The following LZIC variants were observed in gnomAD, a reference collection of about 807,000 sequenced individuals.
The protein encoded by LZIC is protein LZIC.
A neutral mutation model predicts 25.4 loss-of-function variants in LZIC; 28 were observed. The observed-to-expected ratio is 1.10, with a 90% CI of 0.82 to 1.51. The LOEUF (loss-of-function observed/expected upper bound fraction) is 1.51, where lower values mean the gene tolerates loss of function less well. Ranked by LOEUF, LZIC falls within the 40% of genes most tolerant of loss-of-function variation. The pLI is 0.00. For missense variants in LZIC, 170 were observed against 211.1 expected (o/e 0.81, Z 1.21); for synonymous variants, 65 against 70.7 (o/e 0.92, Z 0.40).
chr1:9,930,221 C>T lies in LZIC; in HGVS notation c.*178G>A. ...GATCACTCAAGCAGGTAACCGCACA[C>T]AACGCACAATGATGAAGAGCATAAA... On this transcript the variant is annotated 3_prime_UTR_variant, in exon 8 of 8. Coordinates refer to ENST00000377223, the MANE Select transcript of LZIC (RefSeq NM_032368.5). 1 of 1,458,886 alleles carries T rather than the reference C, an allele frequency of 6.9e-7. No individual in the cohort carries two copies. The highest frequency in any genetic ancestry group is 1.5e-5 in the South Asian group (1 of 66,290). The allele number at this position is 1,458,886 out of a possible 1,614,324, so 90.4% of individuals were successfully genotyped here.
At chr1:9,924,445 C>G (rs1185718711), downstream of LZIC, among the ~76,000 whole-genome samples, 2 of 151,998 alleles carry the variant, frequency 1.3e-5, no homozygotes, top group Admixed American at 6.6e-5. Flanking sequence ...ACCTCCGCCT[C>G]CCGGGTTCAA....
rs1246986774 is a variant in LZIC, at chr1:9,935,474, C to T, written c.237+18G>A. The T allele has an allele frequency of 1.3e-6, 2 of 1,585,830 alleles. No individual in the cohort carries two copies. The highest frequency in any genetic ancestry group is 2.8e-5 in the African/African-American group (2 of 72,722). On this transcript the variant is annotated intron_variant, in intron 4 of 7. Coordinates refer to ENST00000377223, the MANE Select transcript of LZIC (RefSeq NM_032368.5). ...AAAAAACAAAGTCTGTCCTCTGTCG[C>T]CTATATGTTATACTTACCAGCTGCA...
chr1:9,925,157 C>CAAA (rs35578033), downstream of LZIC, among the ~76,000 whole-genome samples: 5 of 101,308 alleles, frequency 4.9e-5, no homozygotes, highest in Admixed American at 1.1e-4. Flanking sequence ...ACTAAAAATA[C>CAAA]AAAAAAAAAA....
intron 5 of LZIC, 97 bp from the exon 6 acceptor site, chr1:9,932,995 T>A: frequency 1.3e-6 from 1 of 787,836 alleles, no homozygotes; most frequent in Non-Finnish European, 2.1e-6. Flanking sequence ...CTCACGCCTA[T>A]AATCTCAACA....
chr1:9,937,513 C>T (rs1318834950), intron 2 of LZIC, among the ~76,000 whole-genome samples: 2 of 151,866 alleles, frequency 1.3e-5, no homozygotes, highest in Non-Finnish European at 2.9e-5. Flanking sequence ...CCACTGCACT[C>T]CAGCTTGGGC....
In LZIC at chr1:9,939,360, C is replaced by CTT. The variant is rs71583828; in HGVS notation, c.-8-2735_-8-2734dup. 4.1e-4 allele frequency among the ~76,000 whole-genome samples: 33 copies of CTT among 80,548 alleles called. 1 individual carries two copies. The highest frequency in any genetic ancestry group is 6.0e-3 in the Middle Eastern group (1 of 166). 52.8% of individuals were successfully genotyped at this position (80,548 alleles called of 152,430 possible). A position where few individuals can be genotyped will look rare whatever the true frequency, so the allele number is the denominator to read the frequency against. ...TACAGGCATGAGGCACCCCACTTGG[C>CTT]TTTTTTTTTTTTCTTTTTTTTTTGA... On this transcript the variant is annotated intron_variant, in intron 2 of 7. Coordinates refer to ENST00000377223, the MANE Select transcript of LZIC (RefSeq NM_032368.5).
intron 2 of LZIC, among the ~76,000 whole-genome samples, chr1:9,939,590 G>A (rs1403150830): frequency 5.1e-5 from 6 of 118,178 alleles, no homozygotes; most frequent in African/African-American, 1.2e-4. Context: ...ACAGTGTTTC[G>A]CCATGTTGGC....
At chr1:9,924,020 G>A (rs1367976526), downstream of LZIC, among the ~76,000 whole-genome samples, 1 of 152,224 alleles carries the variant, frequency 6.6e-6, no homozygotes, top group Non-Finnish European at 1.5e-5. Context: ...CCAAAGTGCT[G>A]GGATTACAGG....
chr1:9,937,357 C>T (rs1640504440), intron 2 of LZIC, among the ~76,000 whole-genome samples: 5 of 151,080 alleles, frequency 3.3e-5, no homozygotes, highest in Admixed American at 2.6e-4. Flanking sequence ...CACGCCACTG[C>T]ACTCCTGCCT....
downstream of LZIC, among the ~76,000 whole-genome samples, chr1:9,924,416 G>A (rs1294767190): frequency 2.0e-5 from 3 of 151,652 alleles, no homozygotes; most frequent in Admixed American, 1.3e-4. Flanking sequence ...GTGCAGTGGC[G>A]CGATCTCAGC....
In LZIC at chr1:9,928,710, T is replaced by C. The variant is rs1305437491; in HGVS notation, c.*1689A>G. Among the ~76,000 whole-genome samples the C allele has an allele frequency of 2.6e-5, 4 of 151,944 alleles. No individual in the cohort carries two copies. Among genetic ancestry groups the C allele is most frequent in the Admixed American group, 1.3e-4 (2 of 15,222 alleles). On this transcript the variant is annotated 3_prime_UTR_variant, in exon 8 of 8. Transcript: ENST00000377223. ...CCAACATGGTGAAACCCTGTCTCTA[T>C]ACTAAAGGTACAAAAATTAGCTGGG... is the stretch of plus-strand genomic sequence containing the variant.
chr1:9,924,213 C>T (rs1283486860), downstream of LZIC, among the ~76,000 whole-genome samples: 1 of 152,180 alleles, frequency 6.6e-6, no homozygotes, highest in African/African-American at 2.4e-5. Flanking sequence ...GTTGGGTCAA[C>T]TTAAAACACA....
chr1:9,933,241 C>A (rs1570636422), intron 5 of LZIC, among the ~76,000 whole-genome samples: 1 of 90,980 alleles, frequency 1.1e-5, no homozygotes, highest in Non-Finnish European at 1.9e-5. Context: ...GGTGACAGAG[C>A]AAGACTCCAC....
Position 9,929,467 on chromosome 1 carries a change from C to T in LZIC, c.*932G>A, listed in dbSNP as rs1289126374. 1 of 985,434 alleles carries T rather than the reference C, an allele frequency of 1.0e-6. No individual in the cohort carries two copies. Among genetic ancestry groups the T allele is most frequent in the Non-Finnish European group, 1.2e-6 (1 of 829,938 alleles). 61.0% of individuals were successfully genotyped at this position (985,434 alleles called of 1,614,324 possible). Reference sequence around the variant, plus strand: ...GAGAGAAATTTGCTTTTCCTCATAACTTATTTTGTGTTTCTCCAAAACCTG... The same window carrying T: ...GAGAGAAATTTGCTTTTCCTCATAATTTATTTTGTGTTTCTCCAAAACCTG... On this transcript the variant is annotated 3_prime_UTR_variant, in exon 8 of 8. Transcript: ENST00000377223.
intron 2 of LZIC, among the ~76,000 whole-genome samples, chr1:9,940,951 C>T (rs1282802370): frequency 6.6e-6 from 1 of 152,178 alleles, no homozygotes; most frequent in Non-Finnish European, 1.5e-5. Context: ...ATGTAACTGA[C>T]AATGTCTTTT....
chr1:9,941,592 C>T (rs1325773819), intron 2 of LZIC, among the ~76,000 whole-genome samples: 1 of 149,520 alleles, frequency 6.7e-6, no homozygotes, highest in African/African-American at 2.5e-5. Context: ...CTCCGCTTCC[C>T]AGGTTGAAGA....
At chr1:9,926,185 G>A (rs1639978950), downstream of LZIC, among the ~76,000 whole-genome samples, 1 of 152,062 alleles carries the variant, frequency 6.6e-6, no homozygotes, top group Non-Finnish European at 1.5e-5. Flanking sequence ...GCGCCCTGCC[G>A]ACAGTTTTAA....
downstream of LZIC, among the ~76,000 whole-genome samples, chr1:9,924,314 A>G (rs1056305540): frequency 6.6e-6 from 1 of 151,948 alleles, no homozygotes; most frequent in African/African-American, 2.4e-5. Context: ...TATTTGGGGA[A>G]AAAAAAGGCT....
Position 9,935,580 on chromosome 1 carries a change from A to G in LZIC, c.149T>C (p.Leu50Pro), listed in dbSNP as rs748309080. 1.9e-6 allele frequency: 3 copies of G among 1,611,972 alleles called. No individual in the cohort carries two copies. Among genetic ancestry groups the G allele is most frequent in the East Asian group, 4.5e-5 (2 of 44,822 alleles). The change falls in exon 4 of 8, where the codon CTG becomes CCG. Residue 50 changes from leucine to proline, a missense_variant. Leu to Pro is a moderately conservative substitution (Grantham distance 98, BLOSUM62 -3). Transcript: ENST00000377223. ...DEYEETKKET[L>P]EQLSEFNDSL... Reference sequence around the variant, plus strand: ...ATCATTAAATTCACTTAGTTGCTCCAGAGTTTCCTTTTTGGTTTCTTCATA... The same window carrying G: ...ATCATTAAATTCACTTAGTTGCTCCGGAGTTTCCTTTTTGGTTTCTTCATA...
Sources: gnomAD v4.1 joint callset for allele counts (sites outside exome capture counted in the v4.1 genomes callset) on GRCh38, gnomAD v4.1.1 for gene constraint, MANE v1.5 for transcripts, NCBI Gene and HGNC (gene_info 2026-07-23, HGNC 2026-07-21) for gene names.